The following FAM53B variants were observed in gnomAD, a reference collection of about 807,000 sequenced individuals.
The protein encoded by FAM53B is protein FAM53B.
In FAM53B, 12 loss-of-function variants were observed where a neutral mutation model predicts 32.7. The ratio of observed to expected loss-of-function variants is 0.37; its 90% CI spans 0.24 to 0.59. The LOEUF (loss-of-function observed/expected upper bound fraction) is 0.59, where lower values mean the gene tolerates loss of function less well. Ranked by LOEUF, FAM53B falls within the 20% of genes least tolerant of loss-of-function variation. The probability of loss-of-function intolerance (pLI) is 0.72; values close to 1 mark genes in which losing one functional copy is unlikely to be tolerated. For synonymous variants in FAM53B, 234 were observed against 228.7 expected, an observed-to-expected ratio of 1.02 and a Z score of -0.21; for missense variants, 477 against 577.7, an observed-to-expected ratio of 0.83 and a Z score of 1.79.
chr10:124,728,402 GCCCTGC>G (rs955601232), intron 1 of FAM53B, among the ~76,000 whole-genome samples: 1 of 152,220 alleles, frequency 6.6e-6, no homozygotes, highest in African/African-American at 2.4e-5. Flanking sequence ...CCTGGGGTCT[GCCCTGC>G]CCCCACCAGG....
At chr10:124,711,207 C>T (rs569061893) in intron 1 of FAM53B, among the ~76,000 whole-genome samples, 3 of 152,274 alleles carry the variant, frequency 2.0e-5, no homozygotes, top group African/African-American at 7.2e-5. Context: ...AGTGAAAGAG[C>T]CAGTCCCCAA....
At chr10:124,640,863 C>T (rs916119438) in intron 4 of FAM53B, among the ~76,000 whole-genome samples, 1 of 152,194 alleles carries the variant, frequency 6.6e-6, no homozygotes, top group Non-Finnish European at 1.5e-5. Flanking sequence ...GCCCCCGCTG[C>T]GGCAGAGCAG....
chr10:124,684,667 G>A (rs1361347243), intron 3 of FAM53B, among the ~76,000 whole-genome samples: 3 of 152,058 alleles, frequency 2.0e-5, no homozygotes, highest in Non-Finnish European at 4.4e-5. Flanking sequence ...TTACAGGCAT[G>A]TACCACACGC....
chr10:124,647,868 T>C (rs2134048732), intron 4 of FAM53B, among the ~76,000 whole-genome samples: 1 of 152,278 alleles, frequency 6.6e-6, no homozygotes, highest in East Asian at 1.9e-4. Context: ...GGTCACTGTT[T>C]CCTACAAAGC....
At chr10:124,635,095 T>C (rs1213555304) in intron 4 of FAM53B, among the ~76,000 whole-genome samples, 1 of 152,128 alleles carries the variant, frequency 6.6e-6, no homozygotes, top group Non-Finnish European at 1.5e-5. Flanking sequence ...ATTTTTTATT[T>C]TTATTTTTGT....
At chr10:124,665,798 C>T (rs1949667056) in intron 4 of FAM53B, among the ~76,000 whole-genome samples, 1 of 152,208 alleles carries the variant, frequency 6.6e-6, no homozygotes, top group Non-Finnish European at 1.5e-5. Flanking sequence ...CTACAAGGGC[C>T]TGACTCACAG....
At chr10:124,661,906 C>T (rs1157463516) in intron 4 of FAM53B, among the ~76,000 whole-genome samples, 7 of 152,228 alleles carry the variant, frequency 4.6e-5, no homozygotes, top group African/African-American at 7.2e-5. Context: ...CCCTAGATGA[C>T]GTCATGTGAG....
rs1275645817 is a variant in FAM53B at position 124,733,873 on chromosome 10, G to A, written c.-175+10140C>T. On this transcript the variant is annotated intron_variant, in intron 1 of 4. Transcript: ENST00000337318. This position sits in a 1 kb window ranked among gnomAD's most constrained non-coding sequence, Gnocchi z 4.3. ...TGCCATCCTGACCTAGATCAGCTCC[G>A]CTCCCCTCTGAAATCTACACTCGTC... Among the ~76,000 whole-genome samples the A allele has an allele frequency of 1.3e-5, 2 of 152,054 alleles. No homozygotes were observed. Among genetic ancestry groups the A allele is most frequent in the African/African-American group, 2.4e-5 (1 of 41,398 alleles).
intron 1 of FAM53B, among the ~76,000 whole-genome samples, chr10:124,718,901 A>T (rs1231118629): frequency 1.3e-5 from 2 of 152,228 alleles, no homozygotes; most frequent in South Asian, 2.1e-4. Flanking sequence ...TTTAAAAAAT[A>T]GCCAGGTATG....
chr10:124,693,743 T>C (rs1339579960), intron 3 of FAM53B, among the ~76,000 whole-genome samples: 1 of 152,174 alleles, frequency 6.6e-6, no homozygotes, highest in Non-Finnish European at 1.5e-5. Context: ...GCCGGGAAGA[T>C]GGGGTGGTAT....
chr10:124,645,550 CTAAGA>C (rs1233387678), intron 4 of FAM53B, among the ~76,000 whole-genome samples: 3 of 152,176 alleles, frequency 2.0e-5, no homozygotes, highest in African/African-American at 7.2e-5. Flanking sequence ...CAGGCAGTTG[CTAAGA>C]TCACTCCAAG....
chr10:124,642,255 C>G (rs1949480783), intron 4 of FAM53B, among the ~76,000 whole-genome samples: 1 of 152,212 alleles, frequency 6.6e-6, no homozygotes, highest in Non-Finnish European at 1.5e-5. Flanking sequence ...CCAGCAGGTC[C>G]TAGAGATCTT....
intron 3 of FAM53B, among the ~76,000 whole-genome samples, chr10:124,686,156 A>G (rs1469772867): frequency 6.6e-6 from 1 of 152,246 alleles, no homozygotes; most frequent in Non-Finnish European, 1.5e-5. Context: ...CTTATGCACC[A>G]GCGATTCTTT....
At chr10:124,631,312 G>A (rs1344997448) in intron 4 of FAM53B, among the ~76,000 whole-genome samples, 1 of 152,222 alleles carries the variant, frequency 6.6e-6, no homozygotes, top group Non-Finnish European at 1.5e-5. Flanking sequence ...GAGGCTGAAG[G>A]AGTGGGGGAA....
At chr10:124,689,287 AG>A (rs1391267459) in intron 3 of FAM53B, among the ~76,000 whole-genome samples, 1 of 152,192 alleles carries the variant, frequency 6.6e-6, no homozygotes, top group Non-Finnish European at 1.5e-5. Context: ...GGACACAAGC[AG>A]GGCAATGACA....
chr10:124,717,287 C>T (rs910074472), intron 1 of FAM53B, among the ~76,000 whole-genome samples: 2 of 152,220 alleles, frequency 1.3e-5, no homozygotes, highest in Non-Finnish European at 2.9e-5. Context: ...AGCTGTGTGG[C>T]TTCAGCCAGG....
chr10:124,725,120 C>T (rs1378247631), intron 1 of FAM53B, among the ~76,000 whole-genome samples: 2 of 152,370 alleles, frequency 1.3e-5, no homozygotes, highest in East Asian at 3.9e-4. Flanking sequence ...CCAAAGCCTG[C>T]CCGTCACCTC....
rs1002918683 is a variant in FAM53B at position 124,744,059 on chromosome 10, C to T, written c.-221G>A. On this transcript the variant is annotated 5_prime_UTR_variant, in exon 1 of 5. Coordinates refer to ENST00000337318, the MANE Select transcript of FAM53B (RefSeq NM_014661.4). ...GGCGCGGACCCCGCGCCGTCACCGC[C>T]AGCGCTCGCCAAGTCGTCCGGGGTG... is the stretch of plus-strand genomic sequence containing the variant. 4 of 147,370 alleles carry T rather than the reference C, an allele frequency of 2.7e-5. No homozygotes were observed. Among genetic ancestry groups the T allele is most frequent in the Non-Finnish European group, 6.0e-5 (4 of 66,126 alleles). 9.1% of individuals were successfully genotyped at this position (147,370 alleles called of 1,614,324 possible).
chr10:124,630,090 C>A (rs1281905311), intron 4 of FAM53B, among the ~76,000 whole-genome samples: 1 of 152,226 alleles, frequency 6.6e-6, no homozygotes, highest in South Asian at 2.1e-4. Context: ...GCTGCTCGCC[C>A]AGGGCCGTGT....
Sources: gnomAD v4.1 joint callset for allele counts (sites outside exome capture counted in the v4.1 genomes callset) on GRCh38, gnomAD v4.1.1 for gene constraint, Gnocchi (gnomAD v3.1) non-coding constraint, MANE v1.5 for transcripts, NCBI Gene and HGNC (gene_info 2026-07-23, HGNC 2026-07-21) for gene names.